MYLK4: variants seen among roughly 807,000 people sequenced by gnomAD.
The protein encoded by MYLK4 is myosin light chain kinase family member 4, also known as caMLCK like.
MYLK4 carries 46 observed loss-of-function variants against 48.1 expected under a neutral mutation model. The ratio of observed to expected loss-of-function variants is 0.96; its 90% confidence interval spans 0.75 to 1.22. The LOEUF (loss-of-function observed/expected upper bound fraction) is 1.22, where lower values mean the gene tolerates loss of function less well. MYLK4 is among the 50% of genes most tolerant of loss of function. The pLI is 0.00. For synonymous variants in MYLK4, 170 were observed against 180.8 expected, an observed-to-expected ratio of 0.94 and a Z score of 0.48; for missense variants, 451 against 486.1, an observed-to-expected ratio of 0.93 and a Z score of 0.68.
At chr6:2,726,653 C>T (rs1334791616) in intron 2 of MYLK4, among the ~76,000 whole-genome samples, 3 of 145,230 alleles carry the variant, frequency 2.1e-5, no homozygotes, top group Non-Finnish European at 4.5e-5. Context: ...GCTCTTGTTG[C>T]CCAGGCTGGA....
chr6:2,748,047 C>G (rs1220729560), intron 2 of MYLK4, among the ~76,000 whole-genome samples: 4 of 152,202 alleles, frequency 2.6e-5, no homozygotes, highest in Admixed American at 6.5e-5. Flanking sequence ...TATACAATCT[C>G]TCTATTTCAT....
chr6:2,694,084 G>A (rs1413587604), intron 2 of MYLK4, among the ~76,000 whole-genome samples: 1 of 152,160 alleles, frequency 6.6e-6, no homozygotes, highest in Non-Finnish European at 1.5e-5. Flanking sequence ...CACAATGCAG[G>A]GGGCAGCTCC....
intron 2 of MYLK4, among the ~76,000 whole-genome samples, chr6:2,695,458 C>T (rs1165180084): frequency 6.6e-6 from 1 of 152,198 alleles, no homozygotes. Flanking sequence ...ACCCAATATT[C>T]TTTGGGTTCG....
At chr6:2,684,034 G>A (rs191363058) in intron 6 of MYLK4, among the ~76,000 whole-genome samples, 10 of 152,250 alleles carry the variant, frequency 6.6e-5, no homozygotes, top group East Asian at 3.9e-4. Flanking sequence ...ATATAACTCC[G>A]ATACAGTTTA....
At chr6:2,679,160 G>T (rs1390865434) in intron 9 of MYLK4, 120 bp downstream of exon 9, 3 of 1,192,020 alleles carry the variant, frequency 2.5e-6, no homozygotes, top group Non-Finnish European at 3.7e-6. Flanking sequence ...GGCAACTGAG[G>T]ATGGGACAGT....
intron 2 of MYLK4, among the ~76,000 whole-genome samples, chr6:2,746,517 T>A (rs1764099130): frequency 6.6e-6 from 1 of 152,238 alleles, no homozygotes; most frequent in Non-Finnish European, 1.5e-5. Context: ...TTGTTAAATC[T>A]ATATAAAATT....
the MYLK4 span, chr6:2,770,019 T>C: frequency 6.6e-7 from 1 of 1,525,710 alleles, no homozygotes; most frequent in South Asian, 1.2e-5. Flanking sequence ...ACTCGAAAGA[T>C]AAAAATGAGG....
intron 2 of MYLK4, among the ~76,000 whole-genome samples, chr6:2,723,621 A>G (rs1489078729): frequency 6.6e-6 from 1 of 152,194 alleles, no homozygotes; most frequent in Non-Finnish European, 1.5e-5. Context: ...TCATGGCCCC[A>G]TCAGAGCACC....
rs149080103 is a variant in MYLK4 at position 2,736,340 on chromosome 6, C to T, written c.159+12796G>A. On this transcript the variant is annotated intron_variant, in intron 2 of 12. Transcript: ENST00000274643. ...CGCGATCTCGGCTCACTGCAACCTC[C>T]GCCTCCCAGGTTCAAGCAAATCACC... is the stretch of plus-strand genomic sequence containing the variant. 4.9e-4 allele frequency among the ~76,000 whole-genome samples: 75 copies of T among 152,324 alleles called. No homozygotes were observed. The East Asian group carries it at 0.012, about 24-fold the overall frequency.
At chr6:2,765,559 A>G in the MYLK4 span, 5 of 1,381,724 alleles carry the variant, frequency 3.6e-6, no homozygotes, top group Non-Finnish European at 4.7e-6. Context: ...GAGGGCATCG[A>G]AGGCCTCCGC....
rs989342860 is a variant in MYLK4, at chr6:2,663,860, A to G, written c.*4065T>C. ...ATCTATCAGCTGAGACGACAGCAAA[A>G]TACACATTAGGTAACATATGAACGC... is the stretch of plus-strand genomic sequence containing the variant. On this transcript the variant is annotated 3_prime_UTR_variant, in exon 13 of 13. Transcript: ENST00000274643. The G allele has an allele frequency of 6.6e-5, 10 of 152,562 alleles. No individual in the cohort carries two copies. The highest frequency in any genetic ancestry group is 4.6e-4 in the Admixed American group (7 of 15,274). 9.5% of individuals were successfully genotyped at this position (152,562 alleles called of 1,614,324 possible). A position where few individuals can be genotyped will look rare whatever the true frequency, so the allele number is the denominator to read the frequency against.
chr6:2,767,201 A>G, the MYLK4 span, among the ~76,000 whole-genome samples: 2 of 152,230 alleles, frequency 1.3e-5, no homozygotes, highest in African/African-American at 2.4e-5. Flanking sequence ...GAGTCTAGAA[A>G]GCATGTCATT....
At chr6:2,705,460 C>T (rs1173793670) in intron 2 of MYLK4, among the ~76,000 whole-genome samples, 1 of 152,160 alleles carries the variant, frequency 6.6e-6, no homozygotes, top group East Asian at 1.9e-4. Context: ...CATGCCCCTC[C>T]AGGTCCTTTT....
In MYLK4 at chr6:2,678,384, G is replaced by A. The variant is rs201254789; in HGVS notation, c.888-12C>T. ...ACAAACCGCTAAGTCTGGAGGACAC[G>A]GGGTCCAGAGTGAGTATTTTTTAAA... On this transcript the variant is annotated splice_polypyrimidine_tract_variant and intron_variant, in intron 9 of 12. Coordinates refer to ENST00000274643, the MANE Select transcript of MYLK4 (RefSeq NM_001012418.5). The A allele has an allele frequency of 1.8e-5, 29 of 1,613,000 alleles. No homozygotes were observed. Among genetic ancestry groups the A allele is most frequent in the Non-Finnish European group, 2.0e-5 (24 of 1,179,646 alleles).
chr6:2,691,149 G>T (rs1158112650), intron 3 of MYLK4, among the ~76,000 whole-genome samples: 2 of 152,124 alleles, frequency 1.3e-5, no homozygotes, highest in Non-Finnish European at 2.9e-5. Context: ...GAATCTTAAC[G>T]GCAGTGAGAC....
At chr6:2,741,334 G>A (rs1763893407) in intron 2 of MYLK4, among the ~76,000 whole-genome samples, 1 of 152,120 alleles carries the variant, frequency 6.6e-6, no homozygotes, top group African/African-American at 2.4e-5. Flanking sequence ...TGCCACATTT[G>A]TATTTTTGAC....
chr6:2,739,354 A>G (rs1763811074), intron 2 of MYLK4, among the ~76,000 whole-genome samples: 1 of 152,204 alleles, frequency 6.6e-6, no homozygotes, highest in African/African-American at 2.4e-5. Flanking sequence ...AAGCTGAGAC[A>G]CTAAGGAATC....
chr6:2,706,597 C>G (rs1214335942), intron 2 of MYLK4, among the ~76,000 whole-genome samples: 2 of 152,028 alleles, frequency 1.3e-5, no homozygotes, highest in African/African-American at 4.8e-5. Context: ...CCTGTGGTAT[C>G]GAAAGAGAAA....
the MYLK4 span, among the ~76,000 whole-genome samples, chr6:2,756,753 C>T: frequency 5.3e-4 from 80 of 152,286 alleles, no homozygotes; most frequent in Middle Eastern, 3.4e-3. Context: ...AGGTAAAATT[C>T]ATACTACTGT....
Sources: gnomAD v4.1 joint callset for allele counts (sites outside exome capture counted in the v4.1 genomes callset) on GRCh38, gnomAD v4.1.1 for gene constraint, MANE v1.5 for transcripts, NCBI Gene and HGNC (gene_info 2026-07-23, HGNC 2026-07-21) for gene names.